The following RALGPS1 variants were observed in gnomAD, a reference collection of about 807,000 sequenced individuals.
RALGPS1 encodes the protein Ral GEF with PH domain and SH3 binding motif 1, also known as ras-specific guanine nucleotide-releasing factor RalGPS1.
A neutral mutation model predicts 78.8 loss-of-function variants in RALGPS1; 19 were observed. That is an observed-to-expected ratio of 0.24 (90% CI 0.17 to 0.35). The LOEUF (loss-of-function observed/expected upper bound fraction) is 0.35. Among genes scored for constraint, RALGPS1 ranks in the 10% least tolerant of loss-of-function variants. RALGPS1 has a pLI of 1.00. For synonymous variants in RALGPS1, 228 were observed against 256.3 expected (o/e 0.89, Z 1.06); for missense variants, 454 against 688.3 (o/e 0.66, Z 3.81).
chr9:126,966,194 G>T (rs1366902421), intron 3 of RALGPS1, among the ~76,000 whole-genome samples: 1 of 152,172 alleles, frequency 6.6e-6, no homozygotes, highest in Admixed American at 6.5e-5. Flanking sequence ...GCAGACTAAA[G>T]CAACGTTTGT....
rs188635817 is a variant in RALGPS1 at position 127,036,267 on chromosome 9, T to C, written c.300+1753T>C. Reference sequence around the variant, plus strand: ...AGCCCTGGTAGCTCTGGTTTGAAAATTGGCCAGAGGCCAGGCCTGGTCAGC... The same window carrying C: ...AGCCCTGGTAGCTCTGGTTTGAAAACTGGCCAGAGGCCAGGCCTGGTCAGC... On this transcript the variant is annotated intron_variant, in intron 5 of 18. Transcript: ENST00000259351. Among the ~76,000 whole-genome samples, 370 of 152,336 alleles carry C rather than the reference T, an allele frequency of 2.4e-3. 3 individuals are homozygous for C. Among genetic ancestry groups the C allele is most frequent in the African/African-American group, 8.4e-3 (349 of 41,582 alleles).
At chr9:127,121,270 C>G (rs2056055214) in intron 8 of RALGPS1, among the ~76,000 whole-genome samples, 1 of 152,212 alleles carries the variant, frequency 6.6e-6, no homozygotes, top group South Asian at 2.1e-4. Context: ...GATAAGAAAA[C>G]TGAGGTTTAG....
chr9:127,181,564 A>C (rs549027484), intron 11 of RALGPS1, among the ~76,000 whole-genome samples: 1 of 152,354 alleles, frequency 6.6e-6, no homozygotes, highest in African/African-American at 2.4e-5. Flanking sequence ...GTCACTTTTG[A>C]GTCACACATT....
Position 127,192,776 on chromosome 9 carries a change from T to C in RALGPS1, c.911-2315T>C, listed in dbSNP as rs995381862. On this transcript the variant is annotated intron_variant, in intron 11 of 18. Transcript: ENST00000259351. ...GTGTGGACAACTCCAGCATGAGGGG[T>C]GTTAGAGGAAGAGAAGGATCTCACG... Among the ~76,000 whole-genome samples the C allele has an allele frequency of 2.7e-5, 4 of 150,652 alleles. No homozygotes were observed. In the East Asian group the frequency reaches 7.8e-4, roughly 29 times the overall value.
intron 8 of RALGPS1, 120 bp from the exon 9 acceptor site, chr9:127,165,946 ATAT>A (rs1324641999): frequency 7.3e-7 from 1 of 1,365,130 alleles, no homozygotes; most frequent in Admixed American, 3.3e-5. Context: ...TAAAGTCCAA[ATAT>A]TATCTCAGTT....
chr9:126,942,040 C>T (rs1588549541), intron 1 of RALGPS1, among the ~76,000 whole-genome samples: 1 of 152,212 alleles, frequency 6.6e-6, no homozygotes, highest in Non-Finnish European at 1.5e-5. Context: ...CTCCTTTTCA[C>T]CTGATGAGAA....
chr9:127,172,824 G>A (rs1030184201), intron 10 of RALGPS1, among the ~76,000 whole-genome samples: 11 of 151,778 alleles, frequency 7.2e-5, no homozygotes, highest in Admixed American at 5.9e-4. Context: ...AGGGGATTTC[G>A]TCTGCTCCTG....
At chr9:126,969,014 C>T (rs960663668) in intron 3 of RALGPS1, among the ~76,000 whole-genome samples, 9 of 151,890 alleles carry the variant, frequency 5.9e-5, no homozygotes, top group Non-Finnish European at 1.2e-4. Context: ...CGCCATTGCA[C>T]TCCAGCCTGG....
chr9:127,064,084 A>G (rs908245146), intron 7 of RALGPS1, among the ~76,000 whole-genome samples: 5 of 152,214 alleles, frequency 3.3e-5, no homozygotes, highest in African/African-American at 1.2e-4. Flanking sequence ...CACAATCATG[A>G]TCAGTATTAT....
chr9:127,146,620 T>C (rs1193218473), intron 8 of RALGPS1, among the ~76,000 whole-genome samples: 1 of 151,088 alleles, frequency 6.6e-6, no homozygotes, highest in African/African-American at 2.4e-5. Context: ...CTCAGCTCAC[T>C]GCAACCTTGG....
intron 8 of RALGPS1, among the ~76,000 whole-genome samples, chr9:127,141,508 C>T (rs1281489483): frequency 6.6e-6 from 1 of 150,818 alleles, no homozygotes; most frequent in Non-Finnish European, 1.5e-5. Context: ...CAGAGAACCA[C>T]GTGTGATCTC....
intron 13 of RALGPS1, 27 bp downstream of exon 13, chr9:127,196,658 A>G: frequency 6.4e-7 from 1 of 1,558,710 alleles, no homozygotes. Flanking sequence ...TGCACATGAT[A>G]GGCTGGTGGG....
chr9:127,005,723 CAGAGAA>C (rs1208603640), intron 4 of RALGPS1, among the ~76,000 whole-genome samples: 1 of 152,100 alleles, frequency 6.6e-6, no homozygotes, highest in African/African-American at 2.4e-5. Flanking sequence ...ACTCACAAAA[CAGAGAA>C]AGAGGAATTC....
At position 127,221,434 on chromosome 9, in the gene RALGPS1, A is replaced by G. The variant is rs1244682527; in HGVS notation, c.*2665A>G. The G allele has an allele frequency of 6.6e-6, 1 of 152,180 alleles. No homozygotes were observed. Among genetic ancestry groups the G allele is most frequent in the Non-Finnish European group, 1.5e-5 (1 of 68,034 alleles). The allele number at this position is 152,180 out of a possible 1,614,324, so 9.4% of individuals were successfully genotyped here. A position where few individuals can be genotyped will look rare whatever the true frequency, so the allele number is the denominator to read the frequency against. Reference sequence around the variant, plus strand: ...TATAGAAAGCTGTCTACAACTGTGGAGTTGGTAGCTGGTAACATTGTTGTC... The same window carrying G: ...TATAGAAAGCTGTCTACAACTGTGGGGTTGGTAGCTGGTAACATTGTTGTC... On this transcript the variant is annotated 3_prime_UTR_variant, in exon 19 of 19. Coordinates refer to ENST00000259351, the MANE Select transcript of RALGPS1 (RefSeq NM_014636.3).
chr9:126,989,674 G>A (rs1471586396), intron 4 of RALGPS1, among the ~76,000 whole-genome samples: 2 of 152,192 alleles, frequency 1.3e-5, no homozygotes, highest in Non-Finnish European at 2.9e-5. Flanking sequence ...CCTCCTAAGT[G>A]TGTTTTAAGG....
At chr9:127,213,630 C>A (rs1418022364) in intron 17 of RALGPS1, among the ~76,000 whole-genome samples, 1 of 152,194 alleles carries the variant, frequency 6.6e-6, no homozygotes, top group Non-Finnish European at 1.5e-5. Context: ...TGGTGGGTCT[C>A]CTCAGTAACC....
chr9:126,963,623 GT>G (rs1366167123), intron 2 of RALGPS1, among the ~76,000 whole-genome samples: 7 of 152,106 alleles, frequency 4.6e-5, no homozygotes, highest in African/African-American at 1.2e-4. Flanking sequence ...TTTTTTGCAT[GT>G]TCCATAGGCA....
intron 8 of RALGPS1, among the ~76,000 whole-genome samples, chr9:127,124,481 A>C (rs955414344): frequency 1.3e-5 from 2 of 152,176 alleles, no homozygotes; most frequent in African/African-American, 4.8e-5. Flanking sequence ...GAGGCCCCAC[A>C]CACTGGGGAG....
chr9:127,104,445 A>G (rs1048733207), intron 8 of RALGPS1, among the ~76,000 whole-genome samples: 5 of 152,364 alleles, frequency 3.3e-5, no homozygotes, highest in African/African-American at 1.2e-4. Context: ...TAATAGCAGC[A>G]GCAGGATAGG....
Sources: gnomAD v4.1 joint callset for allele counts (sites outside exome capture counted in the v4.1 genomes callset) on GRCh38, gnomAD v4.1.1 for gene constraint, MANE v1.5 for transcripts, NCBI Gene and HGNC (gene_info 2026-07-23, HGNC 2026-07-21) for gene names.